The following ARHGEF33 variants were observed in gnomAD, a reference collection of about 807,000 sequenced individuals.
ARHGEF33 encodes the protein Rho guanine nucleotide exchange factor 33.
In ARHGEF33, 72 loss-of-function variants were observed where a neutral mutation model predicts 101.9. That is an observed-to-expected ratio of 0.71 (90% CI 0.58 to 0.86). ARHGEF33 has a LOEUF of 0.86. ARHGEF33 is among the 40% of genes least tolerant of loss of function. ARHGEF33 has a pLI of 0.00. For synonymous variants in ARHGEF33, 499 were observed against 442.5 expected (o/e 1.13, Z -1.60); for missense variants, 1,169 against 1,111.3 (o/e 1.05, Z -0.74).
intron 1 of ARHGEF33, among the ~76,000 whole-genome samples, chr2:38,891,428 C>T (rs1665994820): frequency 6.6e-6 from 1 of 151,840 alleles, no homozygotes; most frequent in Non-Finnish European, 1.5e-5. Context: ...TCTTTAATGA[C>T]AGCAGTTCTT....
chr2:38,915,838 G>A (rs936859152), intron 2 of ARHGEF33, among the ~76,000 whole-genome samples: 1 of 152,132 alleles, frequency 6.6e-6, no homozygotes, highest in Non-Finnish European at 1.5e-5. Flanking sequence ...AACAGTCTGG[G>A]CAATATGGGG....
intron 9 of ARHGEF33, among the ~76,000 whole-genome samples, 178 bp from the exon 10 acceptor site, chr2:38,943,723 C>T (rs1005351564): frequency 1.2e-4 from 18 of 152,204 alleles, no homozygotes; most frequent in African/African-American, 1.9e-4. Flanking sequence ...AGACTTCGTG[C>T]CCTTTGCTCT....
chr2:38,956,775 A>G (rs1175446866), intron 13 of ARHGEF33, 124 bp from the exon 14 acceptor site: 14 of 1,181,416 alleles, frequency 1.2e-5, no homozygotes, highest in Non-Finnish European at 1.5e-5. Context: ...GGTCATGTGT[A>G]TTGTTCATTG....
chr2:38,961,414 C>T (rs1667936686), intron 16 of ARHGEF33, among the ~76,000 whole-genome samples: 1 of 152,118 alleles, frequency 6.6e-6, no homozygotes, highest in South Asian at 2.1e-4. Context: ...GTGGTGTCTG[C>T]AAGCCTGGAG....
intron 17 of ARHGEF33, among the ~76,000 whole-genome samples, chr2:38,968,959 G>A (rs189116366): frequency 8.1e-4 from 124 of 152,312 alleles, no homozygotes; most frequent in African/African-American, 2.5e-3. Context: ...AGGAAGGTCA[G>A]GGAGGCCCCA....
At chr2:38,918,292 T>A (rs984786909) in intron 2 of ARHGEF33, among the ~76,000 whole-genome samples, 1 of 152,214 alleles carries the variant, frequency 6.6e-6, no homozygotes, top group Non-Finnish European at 1.5e-5. Flanking sequence ...GTAGAAAGAA[T>A]ATCAAGTATC....
intron 2 of ARHGEF33, among the ~76,000 whole-genome samples, chr2:38,911,579 CTTA>C (rs1304026737): frequency 1.3e-5 from 2 of 152,126 alleles, no homozygotes; most frequent in African/African-American, 2.4e-5. Context: ...TTTCTGTTAA[CTTA>C]TTATTTAAAA....
chr2:38,947,556 A>G (rs1422928819), intron 10 of ARHGEF33, among the ~76,000 whole-genome samples: 1 of 152,164 alleles, frequency 6.6e-6, no homozygotes, highest in East Asian at 1.9e-4. Flanking sequence ...GCTCTTATAC[A>G]TCATACCACT....
At chr2:38,937,254 A>T (rs1667165273) in intron 8 of ARHGEF33, 81 bp from the exon 9 acceptor site, 1 of 718,602 alleles carries the variant, frequency 1.4e-6, no homozygotes, top group African/African-American at 1.8e-5. Context: ...TCGGCCTCCG[A>T]AAGTGGTAAC....
chr2:38,938,884 G>C (rs997109615), intron 9 of ARHGEF33, among the ~76,000 whole-genome samples: 2 of 152,144 alleles, frequency 1.3e-5, no homozygotes. Flanking sequence ...TTTTAAAAAA[G>C]ATTTATGCAT....
At chr2:38,958,604 G>A (rs1017192453) in intron 15 of ARHGEF33, among the ~76,000 whole-genome samples, 2 of 152,194 alleles carry the variant, frequency 1.3e-5, no homozygotes, top group African/African-American at 2.4e-5. Flanking sequence ...GAATTCAAAT[G>A]AGGTCAATAT....
chr2:38,943,423 A>G (rs1003124773), intron 9 of ARHGEF33, among the ~76,000 whole-genome samples: 2 of 152,138 alleles, frequency 1.3e-5, no homozygotes, highest in Admixed American at 6.5e-5. Flanking sequence ...CTTTGTTTTC[A>G]TTTTAGCATC....
intron 8 of ARHGEF33, 74 bp downstream of exon 8, chr2:38,935,908 C>T: frequency 5.7e-6 from 7 of 1,231,488 alleles, no homozygotes; most frequent in Non-Finnish European, 1.2e-6. Context: ...TCCCTGCTTC[C>T]ACTTCCTTAG....
Position 38,953,243 on chromosome 2 carries a change from G to A in ARHGEF33, c.1135G>A (p.Glu379Lys), listed in dbSNP as rs1334281930. 6.6e-7 allele frequency: 1 copy of A among 1,516,800 alleles called. No individual in the cohort carries two copies. 94.0% of individuals were successfully genotyped at this position (1,516,800 alleles called of 1,614,324 possible). ...ISLVHVVVLKEGDEEIKSDIY... is the reference protein window; with the variant it reads ...ISLVHVVVLKKGDEEIKSDIY... ...ATTGGTTCATGTTGTAGTCCTGAAA[G>A]AGGTGAGTTAACGCCATATATATGC... Residue 379 changes from glutamate to lysine, a missense_variant and splice_region_variant, in exon 12 of 18, where the codon GAG becomes AAG. Coordinates refer to ENST00000409978, the MANE Select transcript of ARHGEF33 (RefSeq NM_001145451.5).
In ARHGEF33 at chr2:38,960,085, TCCCTGCGCGC is replaced by T; in HGVS notation, c.1784_1793del (p.Leu595ArgfsTer108). On this transcript the variant is annotated frameshift_variant, in exon 16 of 18. Coordinates refer to ENST00000409978, the MANE Select transcript of ARHGEF33 (RefSeq NM_001145451.5). LOFTEE classifies it high-confidence loss of function. ...GGAGCCGCTGGGCAACGTGGAGCGCTCCCTGCGCGCCCCGGCCGAGCTCCTGCCCGATGCC... is the reference window on the plus strand; with the variant it reads ...GGAGCCGCTGGGCAACGTGGAGCGCTCCCGGCCGAGCTCCTGCCCGATGCC... The T allele has an allele frequency of 6.5e-7, 1 of 1,541,918 alleles. No individual in the cohort carries two copies. The highest frequency in any genetic ancestry group is 8.7e-7 in the Non-Finnish European group (1 of 1,144,216).
chr2:38,904,196 C>G (rs1240355072), intron 2 of ARHGEF33, among the ~76,000 whole-genome samples: 1 of 152,106 alleles, frequency 6.6e-6, no homozygotes, highest in Non-Finnish European at 1.5e-5. Flanking sequence ...AGGGAATGGG[C>G]CTACATTAGA....
chr2:38,941,900 T>G (rs951826956), intron 9 of ARHGEF33, among the ~76,000 whole-genome samples: 1 of 152,118 alleles, frequency 6.6e-6, no homozygotes, highest in African/African-American at 2.4e-5. Flanking sequence ...ATTCGTGGTG[T>G]GCTAAACTTT....
At chr2:38,947,603 C>G (rs1052598865) in intron 10 of ARHGEF33, among the ~76,000 whole-genome samples, 2 of 152,222 alleles carry the variant, frequency 1.3e-5, no homozygotes, top group African/African-American at 4.8e-5. Context: ...AAGACGGTGT[C>G]TTGCTCTGTT....
intron 2 of ARHGEF33, among the ~76,000 whole-genome samples, chr2:38,899,613 G>A (rs936059124): frequency 1.3e-5 from 2 of 152,078 alleles, no homozygotes; most frequent in African/African-American, 4.8e-5. Context: ...CAGTAAGACA[G>A]GAGGAATACA....
Sources: gnomAD v4.1 joint callset for allele counts (sites outside exome capture counted in the v4.1 genomes callset) on GRCh38, gnomAD v4.1.1 for gene constraint, MANE v1.5 for transcripts, NCBI Gene and HGNC (gene_info 2026-07-23, HGNC 2026-07-21) for gene names.